Variants in CDK14 observed in about 807,000 individuals in gnomAD.
CDK14 encodes cyclin-dependent kinase 14.
Under a neutral mutation model 60.7 loss-of-function variants are expected in CDK14, and 34 were observed. The ratio of observed to expected loss-of-function variants is 0.56; its 90% CI spans 0.43 to 0.75. CDK14 has a LOEUF of 0.75. Ranked by LOEUF, CDK14 falls within the 30% of genes least tolerant of loss-of-function variation. CDK14 has a pLI of 0.00. For missense variants in CDK14, 482 were observed against 564.1 expected (o/e 0.85, Z 1.47); for synonymous variants, 197 against 203.7 (o/e 0.97, Z 0.28).
chr7:91,152,013 G>A (rs1246962084), intron 14 of CDK14, among the ~76,000 whole-genome samples: 1 of 152,192 alleles, frequency 6.6e-6, no homozygotes, highest in Non-Finnish European at 1.5e-5. Flanking sequence ...TGGGATTATG[G>A]TGTTCTTAAA....
intron 11 of CDK14, among the ~76,000 whole-genome samples, chr7:91,071,927 C>T (rs1798160553): frequency 6.6e-6 from 1 of 152,214 alleles, no homozygotes; most frequent in Non-Finnish European, 1.5e-5. Flanking sequence ...TCAGACCTGA[C>T]CCTGACTCAT....
intron 9 of CDK14, among the ~76,000 whole-genome samples, chr7:90,960,145 T>G (rs1794558388): frequency 6.6e-6 from 1 of 152,058 alleles, no homozygotes; most frequent in Admixed American, 6.6e-5. Flanking sequence ...AGCTTTATAT[T>G]CCTCTATAGA....
chr7:90,851,959 C>T (rs971327167), intron 5 of CDK14, among the ~76,000 whole-genome samples: 2 of 152,064 alleles, frequency 1.3e-5, no homozygotes, highest in African/African-American at 2.4e-5. Flanking sequence ...AGTGTTGTGG[C>T]GTAATCACAG....
At chr7:90,946,732 A>G (rs145222189) in intron 8 of CDK14, among the ~76,000 whole-genome samples, 34 of 152,330 alleles carry the variant, frequency 2.2e-4, no homozygotes, top group African/African-American at 7.9e-4. Context: ...TATTTATTAC[A>G]TGCCCTTTAG....
chr7:90,767,120 C>T (rs989706790), intron 4 of CDK14, among the ~76,000 whole-genome samples: 1 of 152,168 alleles, frequency 6.6e-6, no homozygotes, highest in Non-Finnish European at 1.5e-5. Context: ...GCCCCCCATG[C>T]ACAGTGTCAG....
intron 14 of CDK14, among the ~76,000 whole-genome samples, chr7:91,171,274 C>T (rs934686241): frequency 1.3e-4 from 19 of 151,944 alleles, no homozygotes; most frequent in Middle Eastern, 6.8e-3. Context: ...GGCTTGAACC[C>T]GGGAGGTGGA....
At chr7:90,703,114 T>C (rs1801824880) in intron 2 of CDK14, among the ~76,000 whole-genome samples, 1 of 151,964 alleles carries the variant, frequency 6.6e-6, no homozygotes, top group Admixed American at 6.6e-5. Flanking sequence ...AGTCATGGGA[T>C]TGTAGCCTCT....
intron 13 of CDK14, among the ~76,000 whole-genome samples, chr7:91,115,226 A>G: frequency 6.6e-6 from 1 of 152,166 alleles, no homozygotes; most frequent in East Asian, 1.9e-4. Context: ...ATAACAAAAT[A>G]CCTTAGACTG....
chr7:91,137,040 G>T (rs1160660216), intron 14 of CDK14, among the ~76,000 whole-genome samples: 2 of 152,200 alleles, frequency 1.3e-5, no homozygotes, highest in African/African-American at 4.8e-5. Flanking sequence ...ATGCTAGTGG[G>T]TGTGGATCAC....
At chr7:90,811,799 G>T (rs1789131111) in intron 5 of CDK14, among the ~76,000 whole-genome samples, 1 of 152,142 alleles carries the variant, frequency 6.6e-6, no homozygotes, top group Non-Finnish European at 1.5e-5. Context: ...ATCAAAAAGT[G>T]GGCGAAGGAT....
At chr7:90,606,256 AG>A (rs1799416360) in intron 2 of CDK14, among the ~76,000 whole-genome samples, 1 of 152,216 alleles carries the variant, frequency 6.6e-6, no homozygotes, top group South Asian at 2.1e-4. Flanking sequence ...GTGGTAATGA[AG>A]GCATGCCGGG....
intron 10 of CDK14, among the ~76,000 whole-genome samples, chr7:90,987,190 T>A (rs1795396804): frequency 6.6e-6 from 1 of 152,014 alleles, no homozygotes; most frequent in South Asian, 2.1e-4. Context: ...TATTATTTTT[T>A]AATTTTATGG....
chr7:90,647,228 C>G (rs906797235), intron 2 of CDK14, among the ~76,000 whole-genome samples: 1 of 152,072 alleles, frequency 6.6e-6, no homozygotes, highest in Non-Finnish European at 1.5e-5. Context: ...CTTGTAGAAC[C>G]GTCTTAGTGT....
chr7:90,597,322 A>C (rs191091795), intron 1 of CDK14: 1 of 152,648 alleles, frequency 6.6e-6, no homozygotes, highest in Admixed American at 6.5e-5. Flanking sequence ...GACATTTAGG[A>C]ATGTCTCTCG....
At chr7:90,846,929 C>G (rs1254096535) in intron 5 of CDK14, among the ~76,000 whole-genome samples, 2 of 152,142 alleles carry the variant, frequency 1.3e-5, no homozygotes, top group Non-Finnish European at 2.9e-5. Context: ...TCCATTTCCC[C>G]AAAGCTCTCC....
chr7:90,638,765 C>T (rs1434451240), intron 2 of CDK14, among the ~76,000 whole-genome samples: 9 of 152,212 alleles, frequency 5.9e-5, no homozygotes, highest in Admixed American at 2.0e-4. Context: ...CTTTCAGGTA[C>T]ACCAATCAGA....
At chr7:90,821,566 T>A (rs1789551320) in intron 5 of CDK14, among the ~76,000 whole-genome samples, 1 of 152,162 alleles carries the variant, frequency 6.6e-6, no homozygotes, top group African/African-American at 2.4e-5. Flanking sequence ...TGGAGGAGGC[T>A]TCCACAGCTA....
chr7:91,205,671 A>T (rs913062226), intron 14 of CDK14, among the ~76,000 whole-genome samples: 1 of 152,254 alleles, frequency 6.6e-6, no homozygotes, highest in African/African-American at 2.4e-5. Context: ...ATTCTTTTAA[A>T]TGATTAATTT....
intron 11 of CDK14, among the ~76,000 whole-genome samples, chr7:91,070,957 T>C (rs1223832968): frequency 6.6e-6 from 1 of 152,112 alleles, no homozygotes; most frequent in Non-Finnish European, 1.5e-5. Context: ...TTTTGGAAAG[T>C]AATATAGGAT....
Sources: gnomAD v4.1 joint callset for allele counts (sites outside exome capture counted in the v4.1 genomes callset) on GRCh38, gnomAD v4.1.1 for gene constraint, MANE v1.5 for transcripts, NCBI Gene and HGNC (gene_info 2026-07-23, HGNC 2026-07-21) for gene names.